Variants in GPC5 observed in about 807,000 individuals in gnomAD.
GPC5 encodes the protein glypican-5.
Under a neutral mutation model 53.9 loss-of-function variants are expected in GPC5, and 47 were observed. That is an observed-to-expected ratio of 0.87 (90% CI 0.69 to 1.11). The LOEUF (loss-of-function observed/expected upper bound fraction) is 1.11, where lower values mean the gene tolerates loss of function less well. Ranked by LOEUF, GPC5 falls within the 50% of genes most tolerant of loss-of-function variation. The probability of loss-of-function intolerance (pLI) is 0.00; values close to 1 mark genes in which losing one functional copy is unlikely to be tolerated. For synonymous variants in GPC5, 286 were observed against 263.3 expected, an observed-to-expected ratio of 1.09 and a Z score of -0.84; for missense variants, 748 against 713.1, an observed-to-expected ratio of 1.05 and a Z score of -0.56.
At chr13:92,511,540 G>T (rs1024746428) in intron 7 of GPC5, among the ~76,000 whole-genome samples, 1 of 152,146 alleles carries the variant, frequency 6.6e-6, no homozygotes, top group African/African-American at 2.4e-5. Flanking sequence ...TGCAAAAAAT[G>T]CCAGCTGATT....
chr13:92,485,266 A>G (rs773400955), intron 7 of GPC5, among the ~76,000 whole-genome samples: 19 of 152,166 alleles, frequency 1.2e-4, no homozygotes, highest in Non-Finnish European at 2.4e-4. Flanking sequence ...CCTTGATGGT[A>G]TTATAGGAAG....
chr13:92,530,532 T>C (rs913562993), intron 7 of GPC5, among the ~76,000 whole-genome samples: 6 of 152,038 alleles, frequency 3.9e-5, no homozygotes, highest in Non-Finnish European at 7.4e-5. Context: ...TTCCAGCCAA[T>C]TATATTGGTT....
chr13:91,847,838 CAAA>C (rs1300919235), intron 5 of GPC5, among the ~76,000 whole-genome samples: 37 of 152,160 alleles, frequency 2.4e-4, no homozygotes, highest in African/African-American at 8.9e-4. Context: ...ATTTTATTTT[CAAA>C]ATACATACCT....
chr13:91,516,154 A>G (rs1479917632), intron 2 of GPC5, among the ~76,000 whole-genome samples: 2 of 152,058 alleles, frequency 1.3e-5, no homozygotes, highest in African/African-American at 4.8e-5. Flanking sequence ...GGAACCAATT[A>G]TGCCTCCCCA....
intron 7 of GPC5, among the ~76,000 whole-genome samples, chr13:92,329,864 C>G (rs1926634): frequency 0.018 from 2,697 of 151,864 alleles, 91 homozygotes; most frequent in African/African-American, 0.062. Flanking sequence ...GAAGATCTCC[C>G]AAGGAGGGTG....
intron 7 of GPC5, among the ~76,000 whole-genome samples, chr13:92,532,490 C>G (rs1881596352): frequency 6.6e-6 from 1 of 151,978 alleles, no homozygotes; most frequent in South Asian, 2.1e-4. Flanking sequence ...GTATAATATC[C>G]AAATGTAGGT....
chr13:92,033,747 T>C (rs2040871637), intron 6 of GPC5, among the ~76,000 whole-genome samples: 1 of 152,234 alleles, frequency 6.6e-6, no homozygotes, highest in Admixed American at 6.5e-5. Flanking sequence ...ATAGATTTCC[T>C]TCCTCAGTTT....
At position 92,405,158 on chromosome 13, in the gene GPC5, T is replaced by G. The variant is rs1047988011; in HGVS notation, c.1561+260169T>G. Among the ~76,000 whole-genome samples the G allele has an allele frequency of 1.4e-4, 19 of 131,474 alleles. 3 individuals carry two copies. Among genetic ancestry groups the G allele is most frequent in the Non-Finnish European group, 6.7e-5 (4 of 59,692 alleles). The allele number at this position is 131,474 out of a possible 152,430, so 86.3% of individuals were successfully genotyped here. On this transcript the variant is annotated intron_variant, in intron 7 of 7. Coordinates refer to ENST00000377067, the MANE Select transcript of GPC5 (RefSeq NM_004466.6). ...TATTTACCTGCTAATTCCATCCAGT[T>G]CAGGGGCATGGGTGTCCCAGCAGCT...
At chr13:92,863,463 C>T (rs948261209) in intron 7 of GPC5, among the ~76,000 whole-genome samples, 3 of 152,178 alleles carry the variant, frequency 2.0e-5, no homozygotes, top group African/African-American at 7.2e-5. Context: ...TTTACCACTT[C>T]CTTAGCAGAG....
At chr13:92,584,800 C>A (rs1056992129) in intron 7 of GPC5, among the ~76,000 whole-genome samples, 1 of 152,022 alleles carries the variant, frequency 6.6e-6, no homozygotes, top group African/African-American at 2.4e-5. Context: ...AACTTGGTAC[C>A]CTGAATCCCA....
chr13:91,880,261 T>A (rs755499247), intron 5 of GPC5, among the ~76,000 whole-genome samples: 1 of 152,094 alleles, frequency 6.6e-6, no homozygotes, highest in Non-Finnish European at 1.5e-5. Context: ...GTGTTTTTTG[T>A]CTTTAAAACA....
At chr13:92,251,818 C>A (rs2042694582) in intron 7 of GPC5, among the ~76,000 whole-genome samples, 1 of 152,040 alleles carries the variant, frequency 6.6e-6, no homozygotes, top group South Asian at 2.1e-4. Context: ...TTCCTAATAG[C>A]CCCAAATGGC....
At chr13:92,340,259 A>G (rs1038607134) in intron 7 of GPC5, 2 of 152,174 alleles carry the variant, frequency 1.3e-5, no homozygotes, top group Non-Finnish European at 2.9e-5. Flanking sequence ...AATGATGAAA[A>G]CAAGTCAAAT....
chr13:91,880,078 A>T (rs1289485391), intron 5 of GPC5, among the ~76,000 whole-genome samples: 1 of 152,134 alleles, frequency 6.6e-6, no homozygotes, highest in Non-Finnish European at 1.5e-5. Context: ...TTTCAAACAA[A>T]TACTTACTAA....
chr13:91,742,319 G>A (rs1432028134), intron 4 of GPC5, among the ~76,000 whole-genome samples: 1 of 152,126 alleles, frequency 6.6e-6, no homozygotes, highest in Non-Finnish European at 1.5e-5. Flanking sequence ...AATGTTCCCA[G>A]AAAAAGAAAG....
At chr13:92,713,430 A>G (rs1162787922) in intron 7 of GPC5, among the ~76,000 whole-genome samples, 1 of 77,440 alleles carries the variant, frequency 1.3e-5, no homozygotes, top group Non-Finnish European at 2.6e-5. Context: ...GGCTCTACTA[A>G]AAAAAAAAAA....
At chr13:92,003,205 C>T (rs186840635) in intron 6 of GPC5, among the ~76,000 whole-genome samples, 572 of 151,738 alleles carry the variant, frequency 3.8e-3, no homozygotes, top group Non-Finnish European at 6.6e-3. Flanking sequence ...CAGCTACTCC[C>T]AGCTACTCAG....
chr13:92,727,352 A>G (rs1389706740), intron 7 of GPC5, among the ~76,000 whole-genome samples: 1 of 151,582 alleles, frequency 6.6e-6, no homozygotes, highest in African/African-American at 2.4e-5. Flanking sequence ...CCAAAGCCAG[A>G]TGTTGGTTTC....
intron 5 of GPC5, among the ~76,000 whole-genome samples, chr13:91,794,565 A>T (rs1594570318): frequency 6.6e-6 from 1 of 152,220 alleles, no homozygotes; most frequent in East Asian, 1.9e-4. Flanking sequence ...CTGCTAAGGA[A>T]TTTTAGGAGA....
Sources: gnomAD v4.1 joint callset for allele counts (sites outside exome capture counted in the v4.1 genomes callset) on GRCh38, gnomAD v4.1.1 for gene constraint, MANE v1.5 for transcripts, NCBI Gene and HGNC (gene_info 2026-07-23, HGNC 2026-07-21) for gene names.